The following CDKN2B-AS1 variants were observed in gnomAD, a reference collection of about 807,000 sequenced individuals.
The protein encoded by CDKN2B-AS1 is CDKN2B and CDKN2A antisense cis and trans regulatory RNA 1.
chr9:22,096,030 G>T (rs558804503), intron 4 of CDKN2B-AS1, among the ~76,000 whole-genome samples: 2 of 152,174 alleles, frequency 1.3e-5, no homozygotes, highest in Non-Finnish European at 2.9e-5. Context: ...CTTCTCCCCC[G>T]TGGGTCAAAT....
intron 4 of CDKN2B-AS1, among the ~76,000 whole-genome samples, chr9:22,097,056 C>G (rs1422076082): frequency 2.0e-5 from 3 of 152,174 alleles, no homozygotes; most frequent in Non-Finnish European, 4.4e-5. Flanking sequence ...GACCTGTCTT[C>G]CATCCATACC....
intron 2 of CDKN2B-AS1, among the ~76,000 whole-genome samples, chr9:22,047,455 A>G (rs539773626): frequency 7.8e-4 from 119 of 152,340 alleles, no homozygotes; most frequent in African/African-American, 2.7e-3. Context: ...TGGTAACTCC[A>G]TGCTTCCAAG....
intron 4 of CDKN2B-AS1, among the ~76,000 whole-genome samples, chr9:22,105,505 CA>C (rs1364679417): frequency 4.3e-4 from 65 of 152,148 alleles, no homozygotes; most frequent in African/African-American, 1.2e-3. Context: ...GATATTTTCA[CA>C]AGGTCTCTCA....
In CDKN2B-AS1 at chr9:22,051,729, G is replaced by A. The variant is rs1014606826; in HGVS notation, n.302+2501G>A. ...ATTTCATAAAAAGTTGGAGATTTTT[G>A]TGGAGACTCATAAAATGCATCCTTT... On this transcript the variant is annotated intron_variant and non_coding_transcript_variant, in intron 3 of 4. Transcript: ENST00000650946. 2.0e-5 allele frequency among the ~76,000 whole-genome samples: 3 copies of A among 152,074 alleles called. No individual in the cohort carries two copies. The East Asian group carries it at 5.8e-4, about 29-fold the overall frequency.
intron 4 of CDKN2B-AS1, among the ~76,000 whole-genome samples, chr9:22,068,611 C>T (rs1824162988): frequency 6.6e-6 from 1 of 152,122 alleles, no homozygotes; most frequent in Non-Finnish European, 1.5e-5. Context: ...AACTCTTTTC[C>T]AGTGACGTAG....
At chr9:22,101,343 A>C (rs1825476584) in intron 4 of CDKN2B-AS1, among the ~76,000 whole-genome samples, 1 of 152,186 alleles carries the variant, frequency 6.6e-6, no homozygotes, top group South Asian at 2.1e-4. Context: ...GAATTGTTTT[A>C]CTTTATAATG....
intron 1 of CDKN2B-AS1, among the ~76,000 whole-genome samples, chr9:22,028,277 A>G (rs185725058): frequency 2.0e-4 from 31 of 152,262 alleles, no homozygotes. Context: ...CACTATCTCA[A>G]TAATCATCAA....
At chr9:22,013,505 G>T (rs1821603932) in intron 1 of CDKN2B-AS1, among the ~76,000 whole-genome samples, 1 of 152,042 alleles carries the variant, frequency 6.6e-6, no homozygotes, top group Non-Finnish European at 1.5e-5. Context: ...AGGCTGGAGT[G>T]CAATACTGTG....
chr9:22,118,715 C>A (rs931164315), intron 4 of CDKN2B-AS1: 1 of 152,164 alleles, frequency 6.6e-6, no homozygotes, highest in Non-Finnish European at 1.5e-5. Context: ...AGTAGATTCA[C>A]CATAAGTTAG....
rs1820917938 is a variant in CDKN2B-AS1, at chr9:22,001,513, C to T, written n.29+6352C>T. On this transcript the variant is annotated intron_variant and non_coding_transcript_variant, in intron 1 of 4. Transcript: ENST00000650946. The surrounding 1 kb of genome is among the most constrained non-coding windows in gnomAD (Gnocchi z 4.2). Reference sequence around the variant, plus strand: ...ACAAATTAGTAAGTCAGGCTTGGTGCTTTTTGACCCATACATTAATTTTCA... The same window carrying T: ...ACAAATTAGTAAGTCAGGCTTGGTGTTTTTTGACCCATACATTAATTTTCA... 6.6e-6 allele frequency among the ~76,000 whole-genome samples: 1 copy of T among 152,100 alleles called. No homozygotes were observed. Among genetic ancestry groups the T allele is most frequent in the Non-Finnish European group, 1.5e-5 (1 of 67,966 alleles).
chr9:22,110,155 T>C (rs1483726030), intron 4 of CDKN2B-AS1, among the ~76,000 whole-genome samples: 1 of 152,166 alleles, frequency 6.6e-6, no homozygotes, highest in African/African-American at 2.4e-5. Context: ...CTTAATCCAC[T>C]ATTATTCTCT....
chr9:22,098,771 A>T (rs1409857219), intron 4 of CDKN2B-AS1, among the ~76,000 whole-genome samples: 1 of 152,166 alleles, frequency 6.6e-6, no homozygotes, highest in Non-Finnish European at 1.5e-5. Context: ...CAGAGCCCAG[A>T]ACTGGCATCT....
chr9:22,059,206 A>G (rs1823700596), intron 4 of CDKN2B-AS1, among the ~76,000 whole-genome samples: 1 of 152,224 alleles, frequency 6.6e-6, no homozygotes, highest in Non-Finnish European at 1.5e-5. Context: ...TCCACAGTCC[A>G]AATTCTCATC....
At chr9:22,073,173 C>A (rs1824365558) in intron 4 of CDKN2B-AS1, among the ~76,000 whole-genome samples, 1 of 152,082 alleles carries the variant, frequency 6.6e-6, no homozygotes, top group Non-Finnish European at 1.5e-5. Context: ...CAATATTTGT[C>A]TAATGTTTCA....
At chr9:22,023,606 G>A (rs974996416) in intron 1 of CDKN2B-AS1, among the ~76,000 whole-genome samples, 3 of 152,116 alleles carry the variant, frequency 2.0e-5, no homozygotes, top group African/African-American at 7.2e-5. Flanking sequence ...AGCTGGGCAT[G>A]GGGGAACATG....
intron 1 of CDKN2B-AS1, among the ~76,000 whole-genome samples, chr9:22,033,763 A>G (rs1261774202): frequency 6.6e-6 from 1 of 152,204 alleles, no homozygotes; most frequent in Non-Finnish European, 1.5e-5. Flanking sequence ...GAGGTGATGC[A>G]GTTTCACCTG....
intron 4 of CDKN2B-AS1, among the ~76,000 whole-genome samples, chr9:22,087,851 G>T (rs1824916690): frequency 6.6e-6 from 1 of 152,106 alleles, no homozygotes; most frequent in African/African-American, 2.4e-5. Context: ...TTAAATAGAA[G>T]ATTGTCATAA....
chr9:22,019,870 A>T (rs1456921580), intron 1 of CDKN2B-AS1, among the ~76,000 whole-genome samples: 1 of 151,972 alleles, frequency 6.6e-6, no homozygotes, highest in Admixed American at 6.6e-5. Flanking sequence ...CAAACCCTTT[A>T]AAAAAAACTT....
chr9:22,126,186 AG>A (rs1369185429), intron 4 of CDKN2B-AS1, among the ~76,000 whole-genome samples: 1 of 152,206 alleles, frequency 6.6e-6, no homozygotes, highest in Non-Finnish European at 1.5e-5. Flanking sequence ...CAAAGGCGGA[AG>A]AAAAGCCACC....
Sources: gnomAD v4.1 joint callset for allele counts (sites outside exome capture counted in the v4.1 genomes callset) on GRCh38, gnomAD v4.1.1 for gene constraint, Gnocchi (gnomAD v3.1) non-coding constraint, MANE v1.5 for transcripts, NCBI Gene and HGNC (gene_info 2026-07-23, HGNC 2026-07-21) for gene names.